TAFA1: variants seen among roughly 807,000 people sequenced by gnomAD.
TAFA1 encodes chemokine-like protein TAFA-1.
In TAFA1, 4 loss-of-function variants were observed where a neutral mutation model predicts 18.5. That is an observed-to-expected ratio of 0.22 (90% CI 0.11 to 0.49). TAFA1 has a LOEUF of 0.49. Ranked by LOEUF, TAFA1 falls within the 20% of genes least tolerant of loss-of-function variation. The probability of loss-of-function intolerance (pLI) is 0.98; values close to 1 mark genes in which losing one functional copy is unlikely to be tolerated. For synonymous variants in TAFA1, 56 were observed against 55.2 expected, an observed-to-expected ratio of 1.01 and a Z score of -0.06; for missense variants, 147 against 169.0, an observed-to-expected ratio of 0.87 and a Z score of 0.72.
chr3:68,370,353 T>TATATATATATATATACAC (rs776307736), intron 2 of TAFA1, among the ~76,000 whole-genome samples: 2 of 41,128 alleles, frequency 4.9e-5, no homozygotes, highest in Non-Finnish European at 7.7e-5. Flanking sequence ...TATATATATA[T>TATATATATATATATACAC]ACACACACAC....
chr3:68,402,679 T>C (rs918476510), intron 2 of TAFA1, among the ~76,000 whole-genome samples: 2 of 152,168 alleles, frequency 1.3e-5, no homozygotes, highest in Admixed American at 6.5e-5. Context: ...TATACTTTTG[T>C]TATTACCTCT....
At chr3:68,239,909 C>T (rs1340863132) in intron 2 of TAFA1, among the ~76,000 whole-genome samples, 1 of 152,112 alleles carries the variant, frequency 6.6e-6, no homozygotes, top group African/African-American at 2.4e-5. Context: ...ATAATAGCAC[C>T]TTATAAATAA....
rs184973397 is a variant in TAFA1 at position 68,372,067 on chromosome 3, C to A, written c.119-45213C>A. 7.9e-5 allele frequency among the ~76,000 whole-genome samples: 12 copies of A among 152,294 alleles called. No individual in the cohort carries two copies. In the East Asian group the frequency reaches 2.3e-3, roughly 29 times the overall value. On this transcript the variant is annotated intron_variant, in intron 2 of 4. Coordinates refer to ENST00000478136, the MANE Select transcript of TAFA1 (RefSeq NM_213609.4). ...AGGCAGTTTGAGATCTGCAGTCTAACACATAGAAAGTATTTGATAAAAGTG... is the reference window on the plus strand; with the variant it reads ...AGGCAGTTTGAGATCTGCAGTCTAAAACATAGAAAGTATTTGATAAAAGTG...
chr3:68,080,315 T>C (rs1046487231), intron 2 of TAFA1, among the ~76,000 whole-genome samples: 14 of 152,290 alleles, frequency 9.2e-5, no homozygotes, highest in Non-Finnish European at 2.1e-4. Flanking sequence ...CCATTTACAT[T>C]TCAAGTTAAT....
intron 3 of TAFA1, among the ~76,000 whole-genome samples, chr3:68,515,136 G>A (rs1432364027): frequency 6.6e-6 from 1 of 152,136 alleles, no homozygotes; most frequent in Non-Finnish European, 1.5e-5. Flanking sequence ...GCATCTGCAT[G>A]TGCACTTCCC....
chr3:68,239,352 C>A (rs2066969237), intron 2 of TAFA1, among the ~76,000 whole-genome samples: 1 of 152,128 alleles, frequency 6.6e-6, no homozygotes, highest in African/African-American at 2.4e-5. Context: ...AATTCAGAAA[C>A]TTATTTACAA....
At chr3:68,404,496 T>C (rs1028072474) in intron 2 of TAFA1, among the ~76,000 whole-genome samples, 2 of 151,706 alleles carry the variant, frequency 1.3e-5, no homozygotes, top group Non-Finnish European at 2.9e-5. Context: ...AGTTCTCCTA[T>C]AGGACCAAAA....
chr3:68,155,165 A>G (rs2065852096), intron 2 of TAFA1, among the ~76,000 whole-genome samples: 1 of 152,120 alleles, frequency 6.6e-6, no homozygotes, highest in African/African-American at 2.4e-5. Context: ...CATACTCCTC[A>G]TTAGGTGGCA....
chr3:68,247,135 T>C (rs2107149410), intron 2 of TAFA1, among the ~76,000 whole-genome samples: 1 of 152,286 alleles, frequency 6.6e-6, no homozygotes, highest in East Asian at 1.9e-4. Context: ...CTCTTCCTCC[T>C]TCCCTGGATC....
chr3:68,270,931 ACTT>A (rs2067654229), intron 2 of TAFA1, among the ~76,000 whole-genome samples: 2 of 152,268 alleles, frequency 1.3e-5, no homozygotes, highest in South Asian at 4.1e-4. Context: ...TCCATTGAAG[ACTT>A]CTTAAAAACA....
At chr3:68,179,001 TTG>T (rs898330411) in intron 2 of TAFA1, among the ~76,000 whole-genome samples, 3 of 152,128 alleles carry the variant, frequency 2.0e-5, no homozygotes, top group African/African-American at 7.2e-5. Context: ...CTCGGAGATA[TTG>T]TATGTTTTTA....
At chr3:68,523,647 A>G (rs1275887331) in intron 3 of TAFA1, among the ~76,000 whole-genome samples, 2 of 152,068 alleles carry the variant, frequency 1.3e-5, no homozygotes, top group East Asian at 3.9e-4. Context: ...CTAAAATAAC[A>G]CTCTTAATAA....
chr3:68,409,956 A>T (rs2070680768), intron 2 of TAFA1, among the ~76,000 whole-genome samples: 1 of 152,108 alleles, frequency 6.6e-6, no homozygotes, highest in Admixed American at 6.6e-5. Context: ...ACCCTTTTAA[A>T]AGAAACATTA....
chr3:68,174,117 A>G (rs2066094234), intron 2 of TAFA1, among the ~76,000 whole-genome samples: 1 of 152,374 alleles, frequency 6.6e-6, no homozygotes, highest in Middle Eastern at 3.4e-3. Flanking sequence ...TACAGAATCA[A>G]AATCTGAATT....
At chr3:68,213,757 A>G (rs1220858633) in intron 2 of TAFA1, among the ~76,000 whole-genome samples, 3 of 152,068 alleles carry the variant, frequency 2.0e-5, no homozygotes, top group Non-Finnish European at 4.4e-5. Context: ...AATTGCACTC[A>G]CAGTAAATGT....
At chr3:68,372,394 C>T (rs549333818) in intron 2 of TAFA1, among the ~76,000 whole-genome samples, 45 of 152,200 alleles carry the variant, frequency 3.0e-4, no homozygotes, top group African/African-American at 1.1e-3. Flanking sequence ...GACGTGGATC[C>T]AGACTTAAAT....
intron 2 of TAFA1, among the ~76,000 whole-genome samples, chr3:68,227,535 A>G (rs2066817329): frequency 6.6e-6 from 1 of 152,236 alleles, no homozygotes; most frequent in Non-Finnish European, 1.5e-5. Flanking sequence ...TCAAACTCAA[A>G]ATGACACTTT....
intron 2 of TAFA1, among the ~76,000 whole-genome samples, chr3:68,381,995 T>G (rs534426963): frequency 6.6e-6 from 1 of 152,240 alleles, no homozygotes; most frequent in African/African-American, 2.4e-5. Context: ...TGTTGACTTT[T>G]GTCAAAGGCC....
rs564191872 is a variant in TAFA1, at chr3:68,531,485, G to A, written c.260-7271G>A. Among the ~76,000 whole-genome samples the A allele has an allele frequency of 8.2e-4, 125 of 152,210 alleles. 5 individuals carry two copies. In the South Asian group the frequency reaches 0.022, roughly 27 times the overall value. On this transcript the variant is annotated intron_variant, in intron 3 of 4. Transcript: ENST00000478136. Reference sequence around the variant, plus strand: ...TGGGTGGTTGTGTCCCATCTCCCCTGATTCTTCCTTTAGCGGGGCTGTCCA... The same window carrying A: ...TGGGTGGTTGTGTCCCATCTCCCCTAATTCTTCCTTTAGCGGGGCTGTCCA...
Sources: gnomAD v4.1 joint callset for allele counts (sites outside exome capture counted in the v4.1 genomes callset) on GRCh38, gnomAD v4.1.1 for gene constraint, MANE v1.5 for transcripts, NCBI Gene and HGNC (gene_info 2026-07-23, HGNC 2026-07-21) for gene names.